Variants in ATP11B observed in about 807,000 individuals in gnomAD.
ATP11B encodes the protein ATPase phospholipid transporting 11B (putative).
A neutral mutation model predicts 157.8 loss-of-function variants in ATP11B; 81 were observed. The ratio of observed to expected loss-of-function variants is 0.51; its 90% CI spans 0.43 to 0.62. The LOEUF (loss-of-function observed/expected upper bound fraction) is 0.62, where lower values mean the gene tolerates loss of function less well. Ranked by LOEUF, ATP11B falls within the 20% of genes least tolerant of loss-of-function variation. The pLI is 0.00. For missense variants in ATP11B, 1,165 were observed against 1,402.2 expected (o/e 0.83, Z 2.70); for synonymous variants, 451 against 469.4 (o/e 0.96, Z 0.51).
At chr3:182,902,755 G>A (rs1724055512) in intron 28 of ATP11B, among the ~76,000 whole-genome samples, 2 of 151,344 alleles carry the variant, frequency 1.3e-5, no homozygotes, top group Admixed American at 6.6e-5. Flanking sequence ...TTTCTTCTTT[G>A]AGAAGAAAAT....
rs560223201 is a variant in ATP11B at position 182,814,316 on chromosome 3, C to T, written c.28-5944C>T. Among the ~76,000 whole-genome samples the T allele has an allele frequency of 4.1e-4, 63 of 151,870 alleles. No individual in the cohort carries two copies. The South Asian group carries it at 4.2e-3, about 10-fold the overall frequency. ...CTGACCTCAGGTGATTTGTCCACCT[C>T]GGCCTCCCAAAGTGCTGAGATTACA... On this transcript the variant is annotated intron_variant, in intron 1 of 29. Transcript: ENST00000323116.
At position 182,869,652 on chromosome 3, in the gene ATP11B, G is replaced by A. The variant is rs576327608; in HGVS notation, c.1866+321G>A. ...CTGGAACCCTTATACACATATTGCT[G>A]GTAAGATTATAAATGGTACAGCCAC... On this transcript the variant is annotated intron_variant, in intron 17 of 29. Transcript: ENST00000323116. 2.0e-5 allele frequency among the ~76,000 whole-genome samples: 3 copies of A among 152,290 alleles called. No individual in the cohort carries two copies. In the South Asian group the frequency reaches 6.2e-4, roughly 32 times the overall value.
Position 182,884,893 on chromosome 3 carries a change from T to C in ATP11B, c.2650T>C (p.Tyr884His). The change falls in exon 22 of 30, where the codon TAT (tyrosine) becomes CAT (histidine). Residue 884 changes from tyrosine to histidine, a missense_variant. Transcript: ENST00000323116. Reference sequence around the variant, plus strand: ...AGCTACCCTTGTACAGTATTTTTTTTATAAGGTGAGTTTCATGTATTTAGA... The same window carrying C: ...AGCTACCCTTGTACAGTATTTTTTTCATAAGGTGAGTTTCATGTATTTAGA... ...RIATLVQYFF[Y>H]KNVCFITPQF... 1 of 1,410,326 alleles carries C rather than the reference T, an allele frequency of 7.1e-7. No homozygotes were observed. Among genetic ancestry groups the C allele is most frequent in the Admixed American group, 2.3e-5 (1 of 43,418 alleles). The allele number at this position is 1,410,326 out of a possible 1,614,324, so 87.4% of individuals were successfully genotyped here.
At position 182,915,538 on chromosome 3, in the gene ATP11B, T is replaced by C. The variant is rs111850605; in HGVS notation, c.3452+1544T>C. 1.1e-5 allele frequency: 11 copies of C among 982,802 alleles called. No homozygotes were observed. The African/African-American group carries it at 1.4e-4, about 12-fold the overall frequency. The allele number at this position is 982,802 out of a possible 1,614,324, so 60.9% of individuals were successfully genotyped here. On this transcript the variant is annotated intron_variant, in intron 29 of 29. Coordinates refer to ENST00000323116, the MANE Select transcript of ATP11B (RefSeq NM_014616.3). ...AGATAGGAGTTAGACTAAGATACAA[T>C]AGAACCTCTACAGAATTTTTTCAAC...
intron 1 of ATP11B, among the ~76,000 whole-genome samples, chr3:182,815,436 A>G (rs550016733): frequency 8.9e-4 from 136 of 152,340 alleles, no homozygotes; most frequent in African/African-American, 3.2e-3. Flanking sequence ...TTAACTTTGT[A>G]GGTTTCAGTA....
Position 182,921,417 on chromosome 3 carries a change from A to C in ATP11B, c.*3313A>C, listed in dbSNP as rs1577135776. ...CATAACTCATGATATGTTTGTAATC[A>C]TGGTAATTTAGATTTTTATGAGGAA... On this transcript the variant is annotated 3_prime_UTR_variant, in exon 30 of 30. Transcript: ENST00000323116. 1 of 152,146 alleles carries C rather than the reference A, an allele frequency of 6.6e-6. No individual in the cohort carries two copies. Among genetic ancestry groups the C allele is most frequent in the South Asian group, 2.1e-4 (1 of 4,830 alleles). 9.4% of individuals were successfully genotyped at this position (152,146 alleles called of 1,614,324 possible). A position where few individuals can be genotyped will look rare whatever the true frequency, so the allele number is the denominator to read the frequency against.
At chr3:182,881,115 T>C (rs1394166078) in intron 21 of ATP11B, 134 bp downstream of exon 21, 7 of 586,262 alleles carry the variant, frequency 1.2e-5, no homozygotes, top group Non-Finnish European at 1.7e-5. Context: ...ATGGTAATAA[T>C]ATAGCACAGT....
chr3:182,899,684 A>T (rs1423067700), intron 28 of ATP11B, among the ~76,000 whole-genome samples: 1 of 152,174 alleles, frequency 6.6e-6, no homozygotes, highest in Non-Finnish European at 1.5e-5. Context: ...TATCTCTGTG[A>T]CTTTGAATCT....
chr3:182,916,288 A>G, intron 29 of ATP11B: 1 of 985,310 alleles, frequency 1.0e-6, no homozygotes, highest in African/African-American at 1.7e-5. Context: ...CAAGTCTGAG[A>G]CTGCCATTCC....
intron 24 of ATP11B, among the ~76,000 whole-genome samples, chr3:182,888,917 C>T (rs539700254): frequency 6.8e-6 from 1 of 146,924 alleles, no homozygotes; most frequent in African/African-American, 2.5e-5. Context: ...AGGCTGAGTG[C>T]AGTGGCGTGA....
At chr3:182,905,768 G>A (rs1316717344) in intron 28 of ATP11B, 1 of 456,680 alleles carries the variant, frequency 2.2e-6, no homozygotes. Flanking sequence ...TGTAATATGA[G>A]ACTTGTTGCT....
chr3:182,849,323 C>T (rs2971449), intron 10 of ATP11B, among the ~76,000 whole-genome samples: 1 of 152,086 alleles, frequency 6.6e-6, no homozygotes, highest in Non-Finnish European at 1.5e-5. Context: ...TAGCACTCTT[C>T]TGAGGAACAT....
At chr3:182,901,044 A>G (rs2108583100) in intron 28 of ATP11B, among the ~76,000 whole-genome samples, 1 of 152,232 alleles carries the variant, frequency 6.6e-6, no homozygotes, top group South Asian at 2.1e-4. Context: ...TTAGCCGGGC[A>G]TGGTGGCAGG....
At chr3:182,801,861 C>T (rs1716032742) in intron 1 of ATP11B, among the ~76,000 whole-genome samples, 1 of 152,148 alleles carries the variant, frequency 6.6e-6, no homozygotes, top group African/African-American at 2.4e-5. Flanking sequence ...ATAAAAGGTA[C>T]ATGCATAATA....
chr3:182,820,138 A>G (rs1218816547), intron 1 of ATP11B, 122 bp from the exon 2 acceptor site: 6 of 667,906 alleles, frequency 9.0e-6, no homozygotes, highest in African/African-American at 1.8e-5. Context: ...GATTGAGTCT[A>G]TATGCATTTT....
intron 1 of ATP11B, among the ~76,000 whole-genome samples, chr3:182,797,258 A>G (rs1201096784): frequency 1.3e-5 from 2 of 152,140 alleles, no homozygotes; most frequent in Admixed American, 6.5e-5. Flanking sequence ...CCTCTCTGCT[A>G]CTTTTTCCTG....
intron 4 of ATP11B, among the ~76,000 whole-genome samples, chr3:182,830,571 A>T (rs992203698): frequency 2.6e-5 from 4 of 152,192 alleles, no homozygotes; most frequent in Non-Finnish European, 5.9e-5. Flanking sequence ...TTATACAGAG[A>T]TGATTCCTTC....
In ATP11B at chr3:182,793,793, G is replaced by GC; in HGVS notation, c.27+12dup. The GC allele has an allele frequency of 7.2e-7, 1 of 1,385,550 alleles. No individual in the cohort carries two copies. The allele number at this position is 1,385,550 out of a possible 1,614,324, so 85.8% of individuals were successfully genotyped here. ...CTGGATCCGGCAGCAGCTGGTAGGT[G>GC]CCCCCGCCCCTCCACCTCCATTCGT... On this transcript the variant is annotated splice_region_variant and intron_variant, in intron 1 of 29. Coordinates refer to ENST00000323116, the MANE Select transcript of ATP11B (RefSeq NM_014616.3).
rs1725449975 is a variant in ATP11B, at chr3:182,921,023, T to C, written c.*2919T>C. On this transcript the variant is annotated 3_prime_UTR_variant, in exon 30 of 30. Coordinates refer to ENST00000323116, the MANE Select transcript of ATP11B (RefSeq NM_014616.3). Reference sequence around the variant, plus strand: ...ATTTCTACTGGAAAAGATTGTGAGATTGAACTTATCTGATCGCTTGAGACT... The same window carrying C: ...ATTTCTACTGGAAAAGATTGTGAGACTGAACTTATCTGATCGCTTGAGACT... 3 of 152,304 alleles carry C rather than the reference T, an allele frequency of 2.0e-5. No homozygotes were observed. The South Asian group carries it at 6.2e-4, about 32-fold the overall frequency. 9.4% of individuals were successfully genotyped at this position (152,304 alleles called of 1,614,324 possible).
Sources: allele counts gnomAD v4.1 joint callset (sites outside exome capture counted in the v4.1 genomes callset), GRCh38; gene constraint gnomAD v4.1.1; transcripts MANE v1.5; gene names NCBI Gene and HGNC (gene_info 2026-07-23, HGNC 2026-07-21).